Variants in RAB3B observed in about 807,000 individuals in gnomAD.
The protein encoded by RAB3B is RAB3B, member RAS oncogene family, also known as ras-related protein Rab-3B.
Under a neutral mutation model 20.5 loss-of-function variants are expected in RAB3B, and 11 were observed. The ratio of observed to expected loss-of-function variants is 0.54; its 90% CI spans 0.34 to 0.89. The LOEUF (loss-of-function observed/expected upper bound fraction) is 0.89, where lower values mean the gene tolerates loss of function less well. Among genes scored for constraint, RAB3B ranks in the 40% least tolerant of loss-of-function variants. RAB3B has a pLI of 0.02. For missense variants in RAB3B, 225 were observed against 280.9 expected (o/e 0.80, Z 1.42); for synonymous variants, 99 against 106.3 (o/e 0.93, Z 0.42).
At chr1:51,982,791 CTAAGAAGTTT>C (rs141984180) in intron 1 of RAB3B, among the ~76,000 whole-genome samples, 1,566 of 151,656 alleles carry the variant, frequency 0.01, 27 homozygotes, top group African/African-American at 0.035. Flanking sequence ...ATAAAAGAGT[CTAAGAAGTTT>C]TAAAAATTTT....
At chr1:51,922,766 G>A (rs537580611) in intron 4 of RAB3B, among the ~76,000 whole-genome samples, 2 of 151,590 alleles carry the variant, frequency 1.3e-5, no homozygotes, top group Admixed American at 6.6e-5. Context: ...GCACAATCTC[G>A]GCTCACTGCA....
intron 4 of RAB3B, among the ~76,000 whole-genome samples, chr1:51,927,185 A>T (rs1321551682): frequency 6.6e-6 from 1 of 152,148 alleles, no homozygotes; most frequent in Non-Finnish European, 1.5e-5. Flanking sequence ...TTTATTGAGC[A>T]CCTAAAATAA....
chr1:51,955,670 A>C (rs1684698471), intron 2 of RAB3B, among the ~76,000 whole-genome samples: 1 of 152,110 alleles, frequency 6.6e-6, no homozygotes, highest in Admixed American at 6.5e-5. Context: ...AGAGTGCTAG[A>C]ATTACAGGCA....
In RAB3B at chr1:51,937,346, T is replaced by C. The variant is rs779579033; in HGVS notation, c.295A>G (p.Ile99Val). The C allele has an allele frequency of 6.2e-7, 1 of 1,613,624 alleles. No homozygotes were observed. Among genetic ancestry groups the C allele is most frequent in the Non-Finnish European group, 8.5e-7 (1 of 1,179,700 alleles). ...TCATTGGTGATGTCATACATCAGAATGAAGCCCATGGCCCCACGGTAATAG... is the reference window on the plus strand; with the variant it reads ...TCATTGGTGATGTCATACATCAGAACGAAGCCCATGGCCCCACGGTAATAG... ...TAYYRGAMGF[I>V]LMYDITNEES... The change falls in exon 3 of 5, where the codon ATT (isoleucine) becomes GTT (valine). Residue 99 changes from isoleucine to valine, a missense_variant. By Grantham distance (29) the Ile-to-Val change is conservative. Coordinates refer to ENST00000371655, the MANE Select transcript of RAB3B (RefSeq NM_002867.4).
intron 2 of RAB3B, among the ~76,000 whole-genome samples, chr1:51,968,249 A>T (rs1684883061): frequency 6.6e-6 from 1 of 152,188 alleles, no homozygotes; most frequent in African/African-American, 2.4e-5. Flanking sequence ...CAGAACTGTG[A>T]GATAGTAAGT....
chr1:51,985,589 A>G (rs1685140879), intron 1 of RAB3B, among the ~76,000 whole-genome samples: 1 of 152,172 alleles, frequency 6.6e-6, no homozygotes, highest in Non-Finnish European at 1.5e-5. Context: ...AACTTGGCCT[A>G]GTTACTTAAA....
chr1:51,969,001 T>C (rs956609990), intron 2 of RAB3B, among the ~76,000 whole-genome samples: 3 of 152,202 alleles, frequency 2.0e-5, no homozygotes, highest in Non-Finnish European at 4.4e-5. Context: ...TTAATTATAG[T>C]AAGAGCTATT....
At chr1:51,928,151 G>C (rs1049226458) in intron 4 of RAB3B, among the ~76,000 whole-genome samples, 2 of 152,044 alleles carry the variant, frequency 1.3e-5, no homozygotes, top group Non-Finnish European at 2.9e-5. Flanking sequence ...TTGTTGCCCA[G>C]GCTGGAGTGC....
At position 51,916,101 on chromosome 1, in the gene RAB3B, G is replaced by C. The variant is rs1001817056; in HGVS notation, c.*3826C>G. 6.6e-6 allele frequency: 1 copy of C among 152,218 alleles called. No individual in the cohort carries two copies. The highest frequency in any genetic ancestry group is 2.4e-5 in the African/African-American group (1 of 41,456). 9.4% of individuals were successfully genotyped at this position (152,218 alleles called of 1,614,324 possible). A position where few individuals can be genotyped will look rare whatever the true frequency, so the allele number is the denominator to read the frequency against. On this transcript the variant is annotated 3_prime_UTR_variant, in exon 5 of 5. Coordinates refer to ENST00000371655, the MANE Select transcript of RAB3B (RefSeq NM_002867.4). The stretch of plus-strand genomic sequence containing the variant: ...AGCTTGAACCTTGGTGGCTAATTGC[G>C]CTATTACTGTGATTGATGAACACTA...
At chr1:51,972,605 G>C (rs992137648) in intron 2 of RAB3B, among the ~76,000 whole-genome samples, 1 of 150,086 alleles carries the variant, frequency 6.7e-6, no homozygotes, top group African/African-American at 2.5e-5. Context: ...GTGAGTTCCT[G>C]ATCCAACAGA....
intron 2 of RAB3B, among the ~76,000 whole-genome samples, chr1:51,941,069 C>G (rs768392535): frequency 1.3e-5 from 2 of 152,146 alleles, no homozygotes; most frequent in Middle Eastern, 3.4e-3. Context: ...TGGGTGGAAT[C>G]TGCACCGAGC....
At chr1:51,980,991 C>T (rs749276232) in intron 1 of RAB3B, among the ~76,000 whole-genome samples, 3 of 152,126 alleles carry the variant, frequency 2.0e-5, no homozygotes, top group Non-Finnish European at 4.4e-5. Context: ...GCAAGTATTA[C>T]CTTTTTTACC....
intron 3 of RAB3B, among the ~76,000 whole-genome samples, chr1:51,936,933 C>A (rs573573448): frequency 1.4e-3 from 220 of 152,160 alleles, no homozygotes; most frequent in African/African-American, 5.1e-3. Context: ...CCTGCCTTAG[C>A]CTCCTGAGTA....
chr1:51,925,285 G>A (rs1684229362), intron 4 of RAB3B, among the ~76,000 whole-genome samples: 1 of 152,136 alleles, frequency 6.6e-6, no homozygotes, highest in Admixed American at 6.5e-5. Flanking sequence ...GGCTCAGTGG[G>A]ACTCACTGTC....
intron 1 of RAB3B, among the ~76,000 whole-genome samples, chr1:51,983,574 C>T (rs1052026740): frequency 6.6e-6 from 1 of 152,120 alleles, no homozygotes; most frequent in Non-Finnish European, 1.5e-5. Context: ...CGGCTAATGA[C>T]ACATCCCTCA....
intron 1 of RAB3B, among the ~76,000 whole-genome samples, chr1:51,978,485 A>G (rs1685039304): frequency 6.6e-6 from 1 of 152,170 alleles, no homozygotes; most frequent in Non-Finnish European, 1.5e-5. Flanking sequence ...CACTCAGCAA[A>G]TATTTAATAC....
chr1:51,929,526 T>C (rs1684294856), intron 4 of RAB3B, among the ~76,000 whole-genome samples: 1 of 152,024 alleles, frequency 6.6e-6, no homozygotes, highest in Non-Finnish European at 1.5e-5. Flanking sequence ...GTTGACCAGG[T>C]TGGTATCAAA....
chr1:51,986,221 G>A (rs1399919265), intron 1 of RAB3B, among the ~76,000 whole-genome samples: 1 of 147,586 alleles, frequency 6.8e-6, no homozygotes, highest in Non-Finnish European at 1.5e-5. Flanking sequence ...CGCGATCTCA[G>A]CTCACTGCAA....
chr1:51,911,281 A>T lies in RAB3B; in HGVS notation c.*8646T>A, dbSNP rs1310717021. On this transcript the variant is annotated 3_prime_UTR_variant, in exon 5 of 5. Transcript: ENST00000371655. ...CCCTCTTCTTCGTTCCTTCAGGTAC[A>T]AGAAGAGAGGATGGAGACGAGGGTA... The T allele has an allele frequency of 6.6e-6, 1 of 152,346 alleles. No homozygotes were observed. Among genetic ancestry groups the T allele is most frequent in the South Asian group, 2.1e-4 (1 of 4,826 alleles). 9.4% of individuals were successfully genotyped at this position (152,346 alleles called of 1,614,324 possible).
Sources: allele counts gnomAD v4.1 joint callset (sites outside exome capture counted in the v4.1 genomes callset), GRCh38; gene constraint gnomAD v4.1.1; transcripts MANE v1.5; gene names NCBI Gene and HGNC (gene_info 2026-07-23, HGNC 2026-07-21).